CORIN: variants seen among roughly 807,000 people sequenced by gnomAD.
CORIN encodes atrial natriuretic peptide-converting enzyme.
In CORIN, 117 loss-of-function variants were observed where a neutral mutation model predicts 125.3. The ratio of observed to expected loss-of-function variants is 0.93; its 90% CI spans 0.80 to 1.09. The LOEUF (loss-of-function observed/expected upper bound fraction) is 1.09, where lower values mean the gene tolerates loss of function less well. CORIN is among the 50% of genes least tolerant of loss of function. The pLI is 0.00. For synonymous variants in CORIN, 450 were observed against 466.4 expected (o/e 0.96, Z 0.45); for missense variants, 1,253 against 1,306.7 (o/e 0.96, Z 0.63).
chr4:47,606,439 A>G, intron 19 of CORIN, among the ~76,000 whole-genome samples: 1 of 152,052 alleles, frequency 6.6e-6, no homozygotes, highest in East Asian at 1.9e-4. Context: ...TTGGAATTTT[A>G]GTAGAGATAA....
intron 5 of CORIN, among the ~76,000 whole-genome samples, chr4:47,717,378 A>G (rs975248916): frequency 2.0e-4 from 30 of 152,238 alleles, no homozygotes; most frequent in African/African-American, 7.2e-4. Flanking sequence ...TCTCAGCTTC[A>G]AAGACCTCCT....
At chr4:47,675,623 TA>T (rs1438065011) in intron 9 of CORIN, among the ~76,000 whole-genome samples, 1 of 152,166 alleles carries the variant, frequency 6.6e-6, no homozygotes, top group Admixed American at 6.5e-5. Context: ...CATTAAAACA[TA>T]AAAGGGCATA....
intron 13 of CORIN, 31 bp downstream of exon 13, chr4:47,653,522 A>T (rs1195343269): frequency 6.5e-7 from 1 of 1,530,926 alleles, no homozygotes; most frequent in Non-Finnish European, 9.1e-7. Context: ...ATCACTGTAC[A>T]TTCAAGAAAA....
At chr4:47,797,212 T>C (rs1366509756) in intron 2 of CORIN, among the ~76,000 whole-genome samples, 2 of 148,234 alleles carry the variant, frequency 1.3e-5, no homozygotes, top group Non-Finnish European at 3.0e-5. Context: ...ATTTATAATA[T>C]ATAATATAAT....
rs192756826 is a variant in CORIN at position 47,808,309 on chromosome 4, A to T, written c.64-1262T>A. On this transcript the variant is annotated intron_variant, in intron 1 of 21. Coordinates refer to ENST00000273857, the MANE Select transcript of CORIN (RefSeq NM_006587.4). Reference sequence around the variant, plus strand: ...TGAATGACCTTTGAGAAAGAGCCTTATAATAATCAAGAAGTTGTTCTAACA... The same window carrying T: ...TGAATGACCTTTGAGAAAGAGCCTTTTAATAATCAAGAAGTTGTTCTAACA... Among the ~76,000 whole-genome samples, 9 of 152,336 alleles carry T rather than the reference A, an allele frequency of 5.9e-5. No individual in the cohort carries two copies. In the East Asian group the frequency reaches 1.5e-3, roughly 26 times the overall value.
At chr4:47,670,679 A>C (rs1007450365) in intron 10 of CORIN, among the ~76,000 whole-genome samples, 1 of 152,232 alleles carries the variant, frequency 6.6e-6, no homozygotes, top group African/African-American at 2.4e-5. Flanking sequence ...GCATGGGCAC[A>C]GGGAGGCAGG....
At chr4:47,604,923 C>G (rs961561924) in intron 19 of CORIN, among the ~76,000 whole-genome samples, 4 of 152,194 alleles carry the variant, frequency 2.6e-5, no homozygotes, top group African/African-American at 9.7e-5. Flanking sequence ...ACACTTGAGA[C>G]AAATCCTAGA....
chr4:47,791,161 G>C (rs1731061262), intron 2 of CORIN, among the ~76,000 whole-genome samples: 1 of 152,128 alleles, frequency 6.6e-6, no homozygotes, highest in African/African-American at 2.4e-5. Flanking sequence ...GGATTATTCA[G>C]GTGAGCCCAA....
chr4:47,616,791 A>G (rs1484878259), intron 19 of CORIN, among the ~76,000 whole-genome samples: 1 of 152,206 alleles, frequency 6.6e-6, no homozygotes, highest in Non-Finnish European at 1.5e-5. Context: ...ACAGATGAAG[A>G]GGGATATGAA....
intron 1 of CORIN, among the ~76,000 whole-genome samples, chr4:47,815,012 C>T (rs1239547337): frequency 6.6e-6 from 1 of 152,100 alleles, no homozygotes; most frequent in East Asian, 1.9e-4. Flanking sequence ...AGTACGCAGG[C>T]ACCATATAAC....
rs201803778 is a variant in CORIN, at chr4:47,744,495, C to G, written c.706G>C (p.Asp236His). 12 of 1,613,994 alleles carry G rather than the reference C, an allele frequency of 7.4e-6. No individual in the cohort carries two copies. The highest frequency in any genetic ancestry group is 1.0e-5 in the Non-Finnish European group (12 of 1,179,980). The change falls in exon 5 of 22, where the codon GAT becomes CAT. Residue 236 changes from aspartate to histidine, a missense_variant. Physicochemically the swap from Asp to His is moderately conservative, Grantham distance 81. Transcript: ENST00000273857. ...VLGMVNYSWP[D>H]FLRCSQFRNQ... Reference sequence around the variant, plus strand: ...CTAAACTGGGAGCATCTGAGGAAATCCGGCCAGGAGTAATTCACCATCCCC... The same window carrying G: ...CTAAACTGGGAGCATCTGAGGAAATGCGGCCAGGAGTAATTCACCATCCCC...
intron 10 of CORIN, among the ~76,000 whole-genome samples, chr4:47,668,742 T>C (rs1724594005): frequency 6.6e-6 from 1 of 152,226 alleles, no homozygotes; most frequent in Non-Finnish European, 1.5e-5. Flanking sequence ...GTGGAGAATG[T>C]ATCACTTTTG....
At chr4:47,632,018 C>T (rs1011357890) in intron 16 of CORIN, among the ~76,000 whole-genome samples, 6 of 152,182 alleles carry the variant, frequency 3.9e-5, no homozygotes, top group African/African-American at 1.4e-4. Flanking sequence ...AGGAGAACAG[C>T]CAGATCCCTA....
chr4:47,788,496 GC>G (rs749222017), intron 2 of CORIN, among the ~76,000 whole-genome samples: 27 of 152,242 alleles, frequency 1.8e-4, no homozygotes, highest in Non-Finnish European at 3.2e-4. Context: ...AAAGTCAAAT[GC>G]AGTAGGTAAA....
rs966127828 is a variant in CORIN at position 47,786,896 on chromosome 4, T to C, written c.238A>G (p.Asn80Asp). The C allele has an allele frequency of 3.5e-5, 56 of 1,613,446 alleles. No homozygotes were observed. The highest frequency in any genetic ancestry group is 4.5e-5 in the Non-Finnish European group (53 of 1,179,548). Residue 80 changes from asparagine to aspartate, a missense_variant, in exon 3 of 22, where the codon AAT (asparagine) becomes GAT (aspartate). Transcript: ENST00000273857. Reference sequence around the variant, plus strand: ...TCAGTGACCAAAGGTTCACTCCCATTTGATTTAAAATAGACCTTTTGTAAT... The same window carrying C: ...TCAGTGACCAAAGGTTCACTCCCATCTGATTTAAAATAGACCTTTTGTAAT... ...GTLQKVYFKSNGSEPLVTDGE... is the reference protein window; with the variant it reads ...GTLQKVYFKSDGSEPLVTDGE...
chr4:47,621,801 C>T (rs1006020298), intron 19 of CORIN, among the ~76,000 whole-genome samples: 1 of 151,434 alleles, frequency 6.6e-6, no homozygotes, highest in Admixed American at 6.6e-5. Flanking sequence ...TTGAGTAAAG[C>T]CGATGACATT....
intron 4 of CORIN, among the ~76,000 whole-genome samples, chr4:47,749,276 C>G (rs1418100307): frequency 6.6e-6 from 1 of 152,268 alleles, no homozygotes; most frequent in Non-Finnish European, 1.5e-5. Context: ...GGAATGTCAA[C>G]TTCATCATTA....
rs368937704 is a variant in CORIN at position 47,645,127 on chromosome 4, G to A, written c.1911C>T (p.Cys637=). ...NKQCLKHTVI[C]DGFPDCPDYM... ...AATCAGGGCAGTCTGGGAACCCATC[G>A]CAGATCACTGTGTGCTTCAAACATT... The change falls in exon 14 of 22, where the codon TGC becomes TGT. Residue 637 remains cysteine (C), a synonymous_variant. Coordinates refer to ENST00000273857, the MANE Select transcript of CORIN (RefSeq NM_006587.4). 33 of 1,612,738 alleles carry A rather than the reference G, an allele frequency of 2.0e-5. No individual in the cohort carries two copies. The highest frequency in any genetic ancestry group is 1.6e-4 in the Middle Eastern group (1 of 6,078).
At chr4:47,707,425 G>C (rs1726624601) in intron 5 of CORIN, among the ~76,000 whole-genome samples, 1 of 152,134 alleles carries the variant, frequency 6.6e-6, no homozygotes, top group South Asian at 2.1e-4. Flanking sequence ...AGGTCTCTCT[G>C]CTTAAAATAT....
Sources: allele counts gnomAD v4.1 joint callset (sites outside exome capture counted in the v4.1 genomes callset), GRCh38; gene constraint gnomAD v4.1.1; transcripts MANE v1.5; gene names NCBI Gene and HGNC (gene_info 2026-07-23, HGNC 2026-07-21).